The following SLC25A37 variants were observed in gnomAD, a reference collection of about 807,000 sequenced individuals.
SLC25A37 encodes the protein mitoferrin-1.
In SLC25A37, 17 loss-of-function variants were observed where a neutral mutation model predicts 31.0. That is an observed-to-expected ratio of 0.55 (90% CI 0.38 to 0.82). The LOEUF is 0.82. Ranked by LOEUF, SLC25A37 falls within the 40% of genes least tolerant of loss-of-function variation. The pLI is 0.00. For missense variants in SLC25A37, 404 were observed against 465.8 expected (o/e 0.87, Z 1.22); for synonymous variants, 222 against 193.0 (o/e 1.15, Z -1.24).
intron 1 of SLC25A37, among the ~76,000 whole-genome samples, chr8:23,535,931 G>C (rs919797082): frequency 1.3e-5 from 2 of 152,154 alleles, no homozygotes; most frequent in East Asian, 3.8e-4. Context: ...TGGGAATTAT[G>C]GGAGCCACTA....
chr8:23,535,728 C>A (rs1801753303), intron 1 of SLC25A37, among the ~76,000 whole-genome samples: 1 of 152,192 alleles, frequency 6.6e-6, no homozygotes, highest in Non-Finnish European at 1.5e-5. Flanking sequence ...GGGAAGGCCT[C>A]ACAATCATGG....
At chr8:23,570,154 T>C (rs1410980809) in intron 3 of SLC25A37, among the ~76,000 whole-genome samples, 1 of 152,130 alleles carries the variant, frequency 6.6e-6, no homozygotes, top group Admixed American at 6.5e-5. Flanking sequence ...AATCACCTTC[T>C]CCATTCCCCT....
intron 1 of SLC25A37, among the ~76,000 whole-genome samples, chr8:23,559,905 A>G (rs1016947427): frequency 1.2e-4 from 18 of 152,174 alleles, no homozygotes; most frequent in Non-Finnish European, 1.5e-4. Context: ...TCATCTGGTG[A>G]TGGACACTTG....
chr8:23,541,487 G>A (rs1266319791), intron 1 of SLC25A37: 1 of 152,330 alleles, frequency 6.6e-6, no homozygotes, highest in African/African-American at 2.4e-5. Context: ...AAGAGGAGAA[G>A]GAGGTAACGC....
At chr8:23,542,853 G>A (rs1290353836) in intron 1 of SLC25A37, among the ~76,000 whole-genome samples, 1 of 151,860 alleles carries the variant, frequency 6.6e-6, no homozygotes, top group Non-Finnish European at 1.5e-5. Flanking sequence ...CTAGGCTAAT[G>A]TGTATGTTTA....
chr8:23,536,440 C>G (rs1265278907), intron 1 of SLC25A37, among the ~76,000 whole-genome samples: 2 of 152,216 alleles, frequency 1.3e-5, no homozygotes, highest in South Asian at 4.1e-4. Flanking sequence ...CCTGCTGCCT[C>G]TGTTCCTGCC....
chr8:23,538,537 GTGTGTGTGTT>G (rs1421348448), intron 1 of SLC25A37, among the ~76,000 whole-genome samples: 9 of 151,056 alleles, frequency 6.0e-5, no homozygotes, highest in Admixed American at 1.3e-4. Context: ...GTGTGTGTGT[GTGTGTGTGTT>G]TGTGTGTGTG....
intron 1 of SLC25A37, among the ~76,000 whole-genome samples, chr8:23,560,515 G>A (rs558976189): frequency 1.3e-5 from 2 of 152,142 alleles, no homozygotes; most frequent in African/African-American, 2.4e-5. Flanking sequence ...CTGTATCCTG[G>A]TGCCAACCTC....
At chr8:23,557,087 G>A (rs141527389) in intron 1 of SLC25A37, among the ~76,000 whole-genome samples, 79 of 152,290 alleles carry the variant, frequency 5.2e-4, no homozygotes, top group African/African-American at 1.9e-3. Context: ...CTGACCTCAG[G>A]TAATCTGCCC....
intron 1 of SLC25A37, among the ~76,000 whole-genome samples, chr8:23,533,948 CT>C (rs11309462): frequency 0.98 from 148,402 of 151,006 alleles, 72,978 homozygotes; most frequent in Middle Eastern, 1. Flanking sequence ...CTCTCTCTCT[CT>C]TTTTTTTTGT....
intron 1 of SLC25A37, among the ~76,000 whole-genome samples, chr8:23,556,427 T>A (rs1289191091): frequency 6.6e-6 from 1 of 152,054 alleles, no homozygotes; most frequent in Non-Finnish European, 1.5e-5. Flanking sequence ...GGTCTTGCTA[T>A]GTTGTCCAGA....
At chr8:23,556,391 T>A (rs1026228212) in intron 1 of SLC25A37, among the ~76,000 whole-genome samples, 44 of 152,056 alleles carry the variant, frequency 2.9e-4, no homozygotes, top group African/African-American at 9.2e-4. Flanking sequence ...CTAATTTTTT[T>A]AAAAAATTAC....
intron 1 of SLC25A37, among the ~76,000 whole-genome samples, chr8:23,554,711 G>A (rs1423298757): frequency 6.6e-6 from 1 of 152,186 alleles, no homozygotes; most frequent in Non-Finnish European, 1.5e-5. Context: ...GCAAGGCTGG[G>A]AGCTGCTGCC....
At chr8:23,532,370 G>A (rs948676456) in intron 1 of SLC25A37, among the ~76,000 whole-genome samples, 3 of 152,174 alleles carry the variant, frequency 2.0e-5, no homozygotes, top group African/African-American at 4.8e-5. Flanking sequence ...TCCTGTCTAG[G>A]CGGGGTCTGG....
rs1276080749 is a variant in SLC25A37 at position 23,573,830 on chromosome 8, A to G, written c.*1975A>G. ...ACGCCTTCTCCCTGCTCTGCCCCCC[A>G]CTCCCCAAAACCAGTTGCAGCCTCA... On this transcript the variant is annotated 3_prime_UTR_variant, in exon 4 of 4. Transcript: ENST00000519973. 1 of 455,890 alleles carries G rather than the reference A, an allele frequency of 2.2e-6. No individual in the cohort carries two copies. The highest frequency in any genetic ancestry group is 4.4e-6 in the Non-Finnish European group (1 of 226,844). 28.2% of individuals were successfully genotyped at this position (455,890 alleles called of 1,614,324 possible). A position where few individuals can be genotyped will look rare whatever the true frequency, so the allele number is the denominator to read the frequency against.
chr8:23,538,892 T>C (rs1239954528), intron 1 of SLC25A37, among the ~76,000 whole-genome samples: 3 of 152,130 alleles, frequency 2.0e-5, no homozygotes, highest in Non-Finnish European at 4.4e-5. Flanking sequence ...CAGGGTAGCG[T>C]CATTCTAGTT....
chr8:23,562,358 G>C (rs1389507141), intron 1 of SLC25A37, among the ~76,000 whole-genome samples: 1 of 152,224 alleles, frequency 6.6e-6, no homozygotes, highest in Non-Finnish European at 1.5e-5. Flanking sequence ...CCAAATTAAA[G>C]GTGATGGCAA....
At chr8:23,547,419 A>G (rs1199191887) in intron 1 of SLC25A37, among the ~76,000 whole-genome samples, 4 of 152,232 alleles carry the variant, frequency 2.6e-5, no homozygotes, top group Non-Finnish European at 5.9e-5. Flanking sequence ...CCAGGGGCCC[A>G]CCAATCAAGC....
Position 23,534,191 on chromosome 8 carries a change from G to A in SLC25A37, c.210+4979G>A, listed in dbSNP as rs558989375. Among the ~76,000 whole-genome samples the A allele has an allele frequency of 2.6e-5, 4 of 152,206 alleles. No individual in the cohort carries two copies. The South Asian group carries it at 6.2e-4, about 24-fold the overall frequency. ...TGGTCTTGAACTCCTGGGCTCAAGC[G>A]ATCCTCCCACCTTGGCCTTCCAAAG... On this transcript the variant is annotated intron_variant, in intron 1 of 3. Coordinates refer to ENST00000519973, the MANE Select transcript of SLC25A37 (RefSeq NM_016612.4).
Sources: allele counts gnomAD v4.1 joint callset (sites outside exome capture counted in the v4.1 genomes callset), GRCh38; gene constraint gnomAD v4.1.1; transcripts MANE v1.5; gene names NCBI Gene and HGNC (gene_info 2026-07-23, HGNC 2026-07-21).